The following FAXDC2 variants were observed in gnomAD, a reference collection of about 807,000 sequenced individuals.
FAXDC2 encodes the protein fatty acid hydroxylase domain-containing protein 2.
FAXDC2 carries 41 observed loss-of-function variants against 40.9 expected under a neutral mutation model. The observed-to-expected ratio is 1.00, with a 90% CI of 0.78 to 1.30. The LOEUF (loss-of-function observed/expected upper bound fraction) is 1.30. Ranked by LOEUF, FAXDC2 falls within the 50% of genes most tolerant of loss-of-function variation. FAXDC2 has a pLI of 0.00. For synonymous variants in FAXDC2, 157 were observed against 149.3 expected, an observed-to-expected ratio of 1.05 and a Z score of -0.38; for missense variants, 390 against 408.8, an observed-to-expected ratio of 0.95 and a Z score of 0.40.
At chr5:154,832,831 A>G (rs183790911) in intron 4 of FAXDC2, among the ~76,000 whole-genome samples, 116 of 152,214 alleles carry the variant, frequency 7.6e-4, no homozygotes, top group African/African-American at 2.7e-3. Flanking sequence ...CCTTCTCCAT[A>G]TACATAGGTA....
chr5:154,823,706 A>G, intron 5 of FAXDC2, 114 bp from the exon 6 acceptor site: 1 of 812,908 alleles, frequency 1.2e-6, no homozygotes, highest in Non-Finnish European at 2.0e-6. Flanking sequence ...ATGTCGGGGG[A>G]CAGCCAGTAG....
chr5:154,840,123 C>A (rs1760444332), intron 1 of FAXDC2, among the ~76,000 whole-genome samples: 1 of 152,148 alleles, frequency 6.6e-6, no homozygotes, highest in Admixed American at 6.6e-5. Context: ...GGACTTCGTG[C>A]CACTTATTTC....
rs748590785 is a variant in FAXDC2 at position 154,818,670 on chromosome 5, G to A, written c.*1646C>T. On this transcript the variant is annotated 3_prime_UTR_variant, in exon 9 of 9. Transcript: ENST00000326080. ...CTGCCTGCCAAAAGGAAGAGGGAAT[G>A]AAAGCCTTTTGTCCTTCTAGGCCCC... 4 of 152,226 alleles carry A rather than the reference G, an allele frequency of 2.6e-5. No individual in the cohort carries two copies. Among genetic ancestry groups the A allele is most frequent in the African/African-American group, 4.8e-5 (2 of 41,458 alleles). 9.4% of individuals were successfully genotyped at this position (152,226 alleles called of 1,614,324 possible). A position where few individuals can be genotyped will look rare whatever the true frequency, so the allele number is the denominator to read the frequency against.
intron 8 of FAXDC2, 131 bp from the exon 9 acceptor site, chr5:154,820,603 G>A (rs1759860874): frequency 1.5e-6 from 1 of 683,366 alleles, no homozygotes; most frequent in East Asian, 3.1e-5. Context: ...CTGACCATCT[G>A]CATCAGAATA....
chr5:154,829,185 G>A (rs1294119396), intron 5 of FAXDC2, among the ~76,000 whole-genome samples: 1 of 152,076 alleles, frequency 6.6e-6, no homozygotes, highest in Non-Finnish European at 1.5e-5. Flanking sequence ...GAACCACCAC[G>A]CCCAGGCTTA....
chr5:154,825,662 A>AAAAAAAAAAAAAAAAAAAAAAAAAAAG, intron 5 of FAXDC2, among the ~76,000 whole-genome samples: 1 of 146,922 alleles, frequency 6.8e-6, no homozygotes, highest in Non-Finnish European at 1.5e-5. Flanking sequence ...AAAAAAAAAA[A>AAAAAAAAAAAAAAAAAAAAAAAAAAAG]AAAAAAGCAG....
At chr5:154,841,139 C>T (rs760913960) in intron 1 of FAXDC2, among the ~76,000 whole-genome samples, 6 of 151,928 alleles carry the variant, frequency 3.9e-5, no homozygotes, top group South Asian at 2.1e-4. Context: ...TACCCAGAGA[C>T]GGGAATGGGT....
intron 1 of FAXDC2, among the ~76,000 whole-genome samples, chr5:154,847,893 G>A (rs2113175771): frequency 6.6e-6 from 1 of 151,378 alleles, no homozygotes; most frequent in Non-Finnish European, 1.5e-5. Context: ...AGGCTGGAGT[G>A]CAGTGGCGCG....
chr5:154,850,208 A>G (rs1371201547), intron 1 of FAXDC2, among the ~76,000 whole-genome samples: 1 of 152,232 alleles, frequency 6.6e-6, no homozygotes, highest in Non-Finnish European at 1.5e-5. Context: ...ATTGCTAGAA[A>G]AATTAGACTA....
At chr5:154,844,438 G>C (rs1229318467) in intron 1 of FAXDC2, among the ~76,000 whole-genome samples, 1 of 151,264 alleles carries the variant, frequency 6.6e-6, no homozygotes, top group Non-Finnish European at 1.5e-5. Context: ...GTCAGATAAA[G>C]ACCAAAACAG....
chr5:154,824,435 G>T (rs1759970059), intron 5 of FAXDC2: 1 of 701,680 alleles, frequency 1.4e-6, no homozygotes, highest in Non-Finnish European at 2.6e-6. Flanking sequence ...GACAGGTTCA[G>T]AATGGTCCCC....
intron 1 of FAXDC2, among the ~76,000 whole-genome samples, chr5:154,842,512 G>GTTTTTTTT (rs772426610): frequency 5.8e-5 from 3 of 51,590 alleles, no homozygotes; most frequent in Admixed American, 2.5e-4. Flanking sequence ...CCCTTTGTGT[G>GTTTTTTTT]TTTTTTTTTT....
chr5:154,842,512 GTTTTTT>G (rs772426610), intron 1 of FAXDC2, among the ~76,000 whole-genome samples: 21 of 51,608 alleles, frequency 4.1e-4, no homozygotes, highest in African/African-American at 1.5e-3. Flanking sequence ...CCCTTTGTGT[GTTTTTT>G]TTTTTTTTTT....
Position 154,835,072 on chromosome 5 carries a change from C to A in FAXDC2, c.49-138G>T, listed in dbSNP as rs542794389. 3.6e-4 allele frequency: 229 copies of A among 628,006 alleles called. 2 individuals are homozygous for A. The South Asian group carries it at 4.2e-3, about 12-fold the overall frequency. 38.9% of individuals were successfully genotyped at this position (628,006 alleles called of 1,614,324 possible). On this transcript the variant is annotated intron_variant, in intron 2 of 8. Transcript: ENST00000326080. ...AGGCACATCTGCGTTTTCCAGCTGGCCTTTTCCAGCTTCTGTGGGAGCCTC... is the reference window on the plus strand; with the variant it reads ...AGGCACATCTGCGTTTTCCAGCTGGACTTTTCCAGCTTCTGTGGGAGCCTC...
At chr5:154,835,332 A>C in intron 2 of FAXDC2, 1 of 175,474 alleles carries the variant, frequency 5.7e-6, no homozygotes, top group Non-Finnish European at 1.2e-5. Flanking sequence ...AAGTCCCAAT[A>C]CCCAGGGTCC....
chr5:154,824,685 C>G, intron 5 of FAXDC2: 1 of 645,130 alleles, frequency 1.6e-6, no homozygotes, highest in Non-Finnish European at 2.8e-6. Context: ...CACTATGTAG[C>G]ACTCAGTGTA....
chr5:154,846,269 AGT>A (rs10674936), intron 1 of FAXDC2, among the ~76,000 whole-genome samples: 8,075 of 147,128 alleles, frequency 0.055, 334 homozygotes, highest in Admixed American at 0.15. Context: ...TGAACTAGAT[AGT>A]GTGTGTGTGT....
intron 5 of FAXDC2, chr5:154,824,348 C>T (rs1431808137): frequency 6.4e-6 from 4 of 626,772 alleles, no homozygotes; most frequent in Non-Finnish European, 1.2e-5. Flanking sequence ...CTTCCTGGAT[C>T]CTGATGAACT....
rs1029174172 is a variant in FAXDC2, at chr5:154,829,120, G to A, written c.366+1681C>T. ...GTTGCCCAGGCTGGTCTTGAACTCC[G>A]GAGCTCAAGTGATTTGCCCATCTCG... On this transcript the variant is annotated intron_variant, in intron 5 of 8. Transcript: ENST00000326080. Among the ~76,000 whole-genome samples the A allele has an allele frequency of 3.1e-4, 47 of 151,726 alleles. 1 individual carries two copies. Among genetic ancestry groups the A allele is most frequent in the Admixed American group, 2.1e-3 (32 of 15,208 alleles).
Sources: gnomAD v4.1 joint callset for allele counts (sites outside exome capture counted in the v4.1 genomes callset) on GRCh38, gnomAD v4.1.1 for gene constraint, MANE v1.5 for transcripts, NCBI Gene and HGNC (gene_info 2026-07-23, HGNC 2026-07-21) for gene names.